The following BMPER variants were observed in gnomAD, a reference collection of about 807,000 sequenced individuals.
BMPER encodes BMP binding endothelial regulator.
BMPER carries 45 observed loss-of-function variants against 87.3 expected under a neutral mutation model. The observed-to-expected ratio is 0.52, with a 90% CI of 0.41 to 0.66. The LOEUF is 0.66. Ranked by LOEUF, BMPER falls within the 30% of genes least tolerant of loss-of-function variation. BMPER has a pLI of 0.00. For missense variants in BMPER, 784 were observed against 867.5 expected (o/e 0.90, Z 1.21); for synonymous variants, 326 against 316.2 (o/e 1.03, Z -0.33).
rs1206205884 is a variant in BMPER, at chr7:33,952,094, C to A, written c.320-14385C>A. ...CACCTAAATGTAATTTTTAGTAGAT[C>A]TTTCAATTTTTTGTGCAAAGCCACC... On this transcript the variant is annotated intron_variant, in intron 3 of 14. Coordinates refer to ENST00000649409, the MANE Select transcript of BMPER (RefSeq NM_001365308.1). Among the ~76,000 whole-genome samples, 3 of 152,120 alleles carry A rather than the reference C, an allele frequency of 2.0e-5. No individual in the cohort carries two copies. In the South Asian group the frequency reaches 6.2e-4, roughly 32 times the overall value.
At chr7:33,956,428 T>C (rs948680436) in intron 3 of BMPER, among the ~76,000 whole-genome samples, 3 of 152,200 alleles carry the variant, frequency 2.0e-5, no homozygotes, top group African/African-American at 4.8e-5. Flanking sequence ...AAATATTAAT[T>C]CACCTATCAA....
At chr7:34,070,343 C>T (rs925532961) in intron 11 of BMPER, among the ~76,000 whole-genome samples, 1 of 152,134 alleles carries the variant, frequency 6.6e-6, no homozygotes, top group Non-Finnish European at 1.5e-5. Flanking sequence ...AAGATTTGAG[C>T]CTTAATGTTA....
chr7:34,087,628 C>T (rs190667407), intron 13 of BMPER, among the ~76,000 whole-genome samples: 6 of 152,286 alleles, frequency 3.9e-5, no homozygotes, highest in South Asian at 2.1e-4. Flanking sequence ...ACATAGTCAG[C>T]GCTCTATAAT....
chr7:34,086,862 C>T (rs1057441125), intron 13 of BMPER, among the ~76,000 whole-genome samples: 3 of 152,134 alleles, frequency 2.0e-5, no homozygotes, highest in African/African-American at 7.2e-5. Context: ...TCCATGGGTT[C>T]AAGAGCTATG....
chr7:34,065,875 C>T (rs1788576148), intron 11 of BMPER, among the ~76,000 whole-genome samples: 1 of 152,186 alleles, frequency 6.6e-6, no homozygotes, highest in Non-Finnish European at 1.5e-5. Context: ...ACTTCCAGCC[C>T]TTCTCTGAAA....
chr7:33,989,635 C>G (rs1786140739), intron 6 of BMPER, among the ~76,000 whole-genome samples: 1 of 152,174 alleles, frequency 6.6e-6, no homozygotes, highest in Non-Finnish European at 1.5e-5. Context: ...TCCCATTTGT[C>G]AATTTTGCCT....
intron 13 of BMPER, among the ~76,000 whole-genome samples, chr7:34,130,587 T>TC (rs1790558827): frequency 6.6e-6 from 1 of 152,220 alleles, no homozygotes; most frequent in East Asian, 1.9e-4. Flanking sequence ...GCATGTACCC[T>TC]AGAACAGGCT....
At chr7:33,970,183 G>A (rs567401097) in intron 4 of BMPER, 146 bp from the exon 5 acceptor site, 51 of 746,252 alleles carry the variant, frequency 6.8e-5, no homozygotes, top group Middle Eastern at 6.5e-4. Flanking sequence ...ATCTCACCTC[G>A]TTGGTGTCTC....
At chr7:34,145,984 T>A (rs1042036450) in intron 14 of BMPER, among the ~76,000 whole-genome samples, 1 of 152,086 alleles carries the variant, frequency 6.6e-6, no homozygotes, top group Non-Finnish European at 1.5e-5. Flanking sequence ...CTCCATCAAA[T>A]GAAGTTCAGT....
intron 11 of BMPER, 131 bp downstream of exon 11, chr7:34,062,178 C>A (rs1032787995): frequency 3.8e-6 from 3 of 783,204 alleles, no homozygotes; most frequent in Non-Finnish European, 6.3e-6. Flanking sequence ...ATCATCTCAC[C>A]TCCCTACAGT....
rs538985363 is a variant in BMPER, at chr7:34,067,067, C to A, written c.1078+5020C>A. 2.6e-5 allele frequency among the ~76,000 whole-genome samples: 4 copies of A among 152,284 alleles called. No individual in the cohort carries two copies. The South Asian group carries it at 6.2e-4, about 24-fold the overall frequency. Reference sequence around the variant, plus strand: ...ATAACACTGAGGCTGATTGAATATGCCGAGCACAGATGTGCATTTAATTGA... The same window carrying A: ...ATAACACTGAGGCTGATTGAATATGACGAGCACAGATGTGCATTTAATTGA... On this transcript the variant is annotated intron_variant, in intron 11 of 14. Transcript: ENST00000649409.
At chr7:34,057,099 A>G (rs557666532) in intron 9 of BMPER, among the ~76,000 whole-genome samples, 1 of 152,318 alleles carries the variant, frequency 6.6e-6, no homozygotes, top group East Asian at 1.9e-4. Flanking sequence ...AGTCCTTAAA[A>G]TAGCTTCAAA....
At chr7:34,152,017 A>G (rs1791188361) in intron 14 of BMPER, among the ~76,000 whole-genome samples, 1 of 152,188 alleles carries the variant, frequency 6.6e-6, no homozygotes, top group African/African-American at 2.4e-5. Context: ...AAAGATCAAC[A>G]TTTTGTGGCA....
upstream of BMPER, chr7:33,904,973 G>C (rs1783769392): frequency 6.5e-6 from 1 of 153,564 alleles, no homozygotes; most frequent in Non-Finnish European, 1.4e-5. The surrounding 1 kb of genome is among the most constrained non-coding windows in gnomAD (Gnocchi z 5.4). Context: ...CTCCCTGGAG[G>C]GGCTGGGGAA....
chr7:34,021,666 AT>A (rs1787191271), intron 6 of BMPER, among the ~76,000 whole-genome samples: 1 of 152,036 alleles, frequency 6.6e-6, no homozygotes, highest in Non-Finnish European at 1.5e-5. Context: ...AAGGCAACAG[AT>A]TACCACCTTT....
chr7:33,925,787 A>T (rs188070807), intron 2 of BMPER, among the ~76,000 whole-genome samples: 2 of 152,284 alleles, frequency 1.3e-5, no homozygotes, highest in African/African-American at 4.8e-5. Flanking sequence ...GTCATCAAAG[A>T]AGGAGATTCA....
At chr7:33,922,555 G>A (rs1168874400) in intron 2 of BMPER, among the ~76,000 whole-genome samples, 1 of 152,074 alleles carries the variant, frequency 6.6e-6, no homozygotes, top group African/African-American at 2.4e-5. Context: ...TTTAGTTTCC[G>A]TCTCTAGTGA....
chr7:33,956,440 A>G (rs753204744), intron 3 of BMPER, among the ~76,000 whole-genome samples: 18 of 152,220 alleles, frequency 1.2e-4, no homozygotes, highest in Non-Finnish European at 2.6e-4. Context: ...ACCTATCAAT[A>G]TAGCTAAAAA....
intron 6 of BMPER, among the ~76,000 whole-genome samples, chr7:33,985,215 G>A (rs1040855131): frequency 6.6e-6 from 1 of 152,138 alleles, no homozygotes; most frequent in African/African-American, 2.4e-5. Flanking sequence ...GATAACTACT[G>A]TTAATATGAT....
Sources: allele counts gnomAD v4.1 joint callset (sites outside exome capture counted in the v4.1 genomes callset), GRCh38; gene constraint gnomAD v4.1.1; non-coding constraint Gnocchi (gnomAD v3.1); transcripts MANE v1.5; gene names NCBI Gene and HGNC (gene_info 2026-07-23, HGNC 2026-07-21).